IL1RAPL1: variants seen among roughly 807,000 people sequenced by gnomAD.
The protein encoded by IL1RAPL1 is interleukin 1 receptor accessory protein like 1, also known as interleukin-1 receptor accessory protein-like 1.
IL1RAPL1 carries 3 observed loss-of-function variants against 48.4 expected under a neutral mutation model. The observed-to-expected ratio is 0.06, with a 90% CI of 0.03 to 0.16. IL1RAPL1 has a LOEUF of 0.16. IL1RAPL1 is among the 10% of genes least tolerant of loss of function. The pLI is 1.00. For missense variants in IL1RAPL1, 349 were observed against 530.6 expected (o/e 0.66, Z 3.36); for synonymous variants, 185 against 187.7 (o/e 0.99, Z 0.12).
Position 29,361,542 on chromosome X carries a change from A to AACACACAC in IL1RAPL1, c.363-34692_363-34685dup, listed in dbSNP as rs35694893. On this transcript the variant is annotated intron_variant, in intron 3 of 10. Transcript: ENST00000378993. ...GAAGTGCATGCTAAAAACTACCTTA[A>AACACACAC]ACACACACACACACACACACACACA... Among the ~76,000 whole-genome samples, 351 of 100,995 alleles carry AACACACAC rather than the reference A, an allele frequency of 3.5e-3. 1 individual carries two copies. The highest frequency in any genetic ancestry group is 0.011 in the East Asian group (37 of 3,254). 87.7% of individuals were successfully genotyped at this position (100,995 alleles called of 115,157 possible). A position where few individuals can be genotyped will look rare whatever the true frequency, so the allele number is the denominator to read the frequency against.
At chrX:28,999,483 C>G (rs1055595028) in intron 2 of IL1RAPL1, among the ~76,000 whole-genome samples, 1 of 111,501 alleles carries the variant, frequency 9.0e-6, no homozygotes, top group Non-Finnish European at 1.9e-5. Context: ...GGTAATACAA[C>G]CTCTTCATTT....
intron 1 of IL1RAPL1, among the ~76,000 whole-genome samples, chrX:28,618,999 G>C (rs1463535583): frequency 8.9e-6 from 1 of 111,807 alleles, no homozygotes; most frequent in Non-Finnish European, 1.9e-5. Context: ...GGCTGAGAAG[G>C]GCCAGTGCCA....
intron 2 of IL1RAPL1, among the ~76,000 whole-genome samples, chrX:29,011,270 C>T (rs968906561): frequency 9.0e-6 from 1 of 111,706 alleles, no homozygotes; most frequent in Non-Finnish European, 1.9e-5. Flanking sequence ...CCATTCAAGA[C>T]CTATGTATTG....
chrX:29,631,533 G>A lies in IL1RAPL1; in HGVS notation c.704-36897G>A, dbSNP rs748614836. ...TGGGTTCGGGCATTCTGCCTGCCTC[G>A]GCCCCCACAAAGTTCTGGGATTACA... On this transcript the variant is annotated intron_variant, in intron 5 of 10. Transcript: ENST00000378993. Among the ~76,000 whole-genome samples, 12 of 111,921 alleles carry A rather than the reference G, an allele frequency of 1.1e-4. No homozygotes were observed. In the East Asian group the frequency reaches 1.7e-3, roughly 16 times the overall value.
intron 2 of IL1RAPL1, among the ~76,000 whole-genome samples, chrX:28,925,367 G>T (rs1239313107): frequency 9.0e-6 from 1 of 111,515 alleles, no homozygotes; most frequent in Non-Finnish European, 1.9e-5. Flanking sequence ...CTACCTGCCG[G>T]ATTCATCTTT....
chrX:29,258,353 A>G (rs1203122198), intron 2 of IL1RAPL1, among the ~76,000 whole-genome samples: 1 of 111,819 alleles, frequency 8.9e-6, no homozygotes, highest in East Asian at 2.8e-4. Context: ...TCACGTCACA[A>G]AAAAACAAGG....
At chrX:28,825,626 C>T (rs1936986327) in intron 2 of IL1RAPL1, among the ~76,000 whole-genome samples, 1 of 110,991 alleles carries the variant, frequency 9.0e-6, no homozygotes, top group Non-Finnish European at 1.9e-5. Context: ...GGTTCCATTT[C>T]ATTGGAAAGC....
At chrX:29,046,307 A>T (rs1926970539) in intron 2 of IL1RAPL1, among the ~76,000 whole-genome samples, 2 of 110,984 alleles carry the variant, frequency 1.8e-5, no homozygotes, top group Admixed American at 1.9e-4. Flanking sequence ...ATCTTCCTGC[A>T]TTGGCCTCCC....
chrX:28,666,248 A>G (rs768002346), intron 1 of IL1RAPL1, among the ~76,000 whole-genome samples: 5 of 111,298 alleles, frequency 4.5e-5, no homozygotes, highest in Non-Finnish European at 9.4e-5. Flanking sequence ...AAATAACCCA[A>G]CCCTTACCTG....
intron 5 of IL1RAPL1, among the ~76,000 whole-genome samples, chrX:29,609,095 C>A (rs1345280819): frequency 9.0e-6 from 1 of 111,510 alleles, no homozygotes; most frequent in Non-Finnish European, 1.9e-5. Context: ...TGGTTTAAAC[C>A]TCTCTCTCCA....
At chrX:29,247,272 T>C (rs1931531434) in intron 2 of IL1RAPL1, among the ~76,000 whole-genome samples, 1 of 111,811 alleles carries the variant, frequency 8.9e-6, no homozygotes, top group Admixed American at 9.5e-5. Context: ...GGTATGTTTA[T>C]TCATTTACTT....
At chrX:29,788,785 T>G (rs778048002) in intron 6 of IL1RAPL1, among the ~76,000 whole-genome samples, 22 of 112,018 alleles carry the variant, frequency 2.0e-4, no homozygotes, top group Middle Eastern at 4.7e-3. Flanking sequence ...TTAATCAACC[T>G]CTACCTATCC....
intron 2 of IL1RAPL1, among the ~76,000 whole-genome samples, chrX:28,831,234 G>A (rs67766981): frequency 0.055 from 5,279 of 95,423 alleles, 352 homozygotes; most frequent in East Asian, 0.23. Flanking sequence ...TAGATCCCCA[G>A]AAATATTTCA....
chrX:28,837,572 A>C (rs774688251), intron 2 of IL1RAPL1, among the ~76,000 whole-genome samples: 1 of 109,519 alleles, frequency 9.1e-6, no homozygotes, highest in Non-Finnish European at 1.9e-5. Context: ...CCTCATAAGC[A>C]ACAGGGCAAG....
chrX:28,758,247 T>C (rs1936126753), intron 1 of IL1RAPL1, among the ~76,000 whole-genome samples: 2 of 111,690 alleles, frequency 1.8e-5, no homozygotes, highest in Admixed American at 9.6e-5. Flanking sequence ...TTGTAGTTGA[T>C]TAGTTATAAG....
At chrX:29,745,592 G>A (rs1363509659) in intron 6 of IL1RAPL1, among the ~76,000 whole-genome samples, 2 of 107,596 alleles carry the variant, frequency 1.9e-5, no homozygotes, top group East Asian at 5.9e-4. Flanking sequence ...GATTATAGGC[G>A]TCCGCCAACA....
At chrX:29,846,798 A>ATATATGTATATATATG (rs752651030) in intron 6 of IL1RAPL1, among the ~76,000 whole-genome samples, 79 of 38,536 alleles carry the variant, frequency 2.1e-3, no homozygotes, top group Non-Finnish European at 3.9e-3. Context: ...ATATATATGT[A>ATATATGTATATATATG]TATACACACA....
rs1246891430 is a variant in IL1RAPL1, at chrX:29,805,419, G to GCA, written c.779-112031_779-112030dup. ...CACGCACACACACACACACATGCAC[G>GCA]CACACACACACACACTCCAGTTTGG... On this transcript the variant is annotated intron_variant, in intron 6 of 10. Transcript: ENST00000378993. 2.4e-3 allele frequency among the ~76,000 whole-genome samples: 257 copies of GCA among 107,822 alleles called. 1 individual carries two copies. The highest frequency in any genetic ancestry group is 7.3e-3 in the African/African-American group (217 of 29,720). 93.6% of individuals were successfully genotyped at this position (107,822 alleles called of 115,157 possible).
Position 29,846,801 on chromosome X carries a change from TACAC to T in IL1RAPL1, c.779-70646_779-70643del, listed in dbSNP as rs5901934. Among the ~76,000 whole-genome samples the T allele has an allele frequency of 8.8e-3, 877 of 99,472 alleles. 5 individuals are homozygous for T. Among genetic ancestry groups the T allele is most frequent in the Non-Finnish European group, 0.013 (660 of 49,796 alleles). 86.4% of individuals were successfully genotyped at this position (99,472 alleles called of 115,157 possible). A position where few individuals can be genotyped will look rare whatever the true frequency, so the allele number is the denominator to read the frequency against. ...ATGTATATATGTATATATATGTATA[TACAC>T]ACACACACACACACACGTATATATG... On this transcript the variant is annotated intron_variant, in intron 6 of 10. Coordinates refer to ENST00000378993, the MANE Select transcript of IL1RAPL1 (RefSeq NM_014271.4).
Sources: gnomAD v4.1 joint callset for allele counts (sites outside exome capture counted in the v4.1 genomes callset) on GRCh38, gnomAD v4.1.1 for gene constraint, MANE v1.5 for transcripts, NCBI Gene and HGNC (gene_info 2026-07-23, HGNC 2026-07-21) for gene names.